The following PTPRD variants were observed in gnomAD, a reference collection of about 807,000 sequenced individuals.
The protein encoded by PTPRD is protein tyrosine phosphatase receptor type D.
Under a neutral mutation model 214.5 loss-of-function variants are expected in PTPRD, and 34 were observed. The ratio of observed to expected loss-of-function variants is 0.16; its 90% CI spans 0.12 to 0.21. The LOEUF (loss-of-function observed/expected upper bound fraction) is 0.21. Ranked by LOEUF, PTPRD falls within the 10% of genes least tolerant of loss-of-function variation. The pLI is 1.00. For missense variants in PTPRD, 2,545 were observed against 2,398.7 expected (o/e 1.06, Z -1.27); for synonymous variants, 1,128 against 845.7 (o/e 1.33, Z -5.79).
At chr9:9,617,848 A>G (rs1483433830) in intron 7 of PTPRD, among the ~76,000 whole-genome samples, 5 of 151,802 alleles carry the variant, frequency 3.3e-5, no homozygotes, top group Admixed American at 3.3e-4. Flanking sequence ...AGAGGCGGGC[A>G]GATCACGAGG....
chr9:9,518,802 G>C (rs779369204), intron 8 of PTPRD, among the ~76,000 whole-genome samples: 2 of 151,970 alleles, frequency 1.3e-5, no homozygotes, highest in Non-Finnish European at 2.9e-5. Context: ...AAGTAAGAAA[G>C]ATTCACCTAG....
At chr9:8,440,338 T>G (rs2095506111) in intron 34 of PTPRD, among the ~76,000 whole-genome samples, 1 of 150,958 alleles carries the variant, frequency 6.6e-6, no homozygotes, top group Non-Finnish European at 1.5e-5. Flanking sequence ...TTTTTTGAGA[T>G]GTAGTCTCAC....
At chr9:9,682,814 C>T (rs754439427) in intron 7 of PTPRD, among the ~76,000 whole-genome samples, 4 of 151,762 alleles carry the variant, frequency 2.6e-5, no homozygotes, top group Non-Finnish European at 4.4e-5. Context: ...AGTCCAAATA[C>T]TGCCTATCAG....
chr9:10,215,916 G>A (rs557293120), intron 3 of PTPRD, among the ~76,000 whole-genome samples: 1 of 152,064 alleles, frequency 6.6e-6, no homozygotes, highest in South Asian at 2.1e-4. Context: ...TGGGGATGCT[G>A]CTAGACAACA....
chr9:9,675,219 A>T (rs946867652), intron 7 of PTPRD, among the ~76,000 whole-genome samples: 1 of 151,962 alleles, frequency 6.6e-6, no homozygotes, highest in African/African-American at 2.4e-5. Flanking sequence ...AAACCATTTT[A>T]AAAACATTTT....
intron 14 of PTPRD, among the ~76,000 whole-genome samples, chr9:8,607,281 G>C (rs772323615): frequency 2.0e-5 from 3 of 152,122 alleles, no homozygotes; most frequent in Non-Finnish European, 2.9e-5. Context: ...CATGTACATG[G>C]TAAGTATCTA....
At chr9:9,307,208 G>C (rs1957414540) in intron 9 of PTPRD, among the ~76,000 whole-genome samples, 1 of 152,154 alleles carries the variant, frequency 6.6e-6, no homozygotes, top group South Asian at 2.1e-4. Context: ...TGTTTGGATG[G>C]AGAGAAAAAC....
At chr9:9,738,761 T>TG (rs1420950581) in intron 6 of PTPRD, among the ~76,000 whole-genome samples, 1 of 152,000 alleles carries the variant, frequency 6.6e-6, no homozygotes, top group African/African-American at 2.4e-5. Context: ...ACTTTTTAAT[T>TG]GGGTTGTCTT....
intron 11 of PTPRD, among the ~76,000 whole-genome samples, chr9:8,838,302 C>T (rs898560790): frequency 6.6e-6 from 1 of 151,034 alleles, no homozygotes; most frequent in East Asian, 2.0e-4. Flanking sequence ...TTCGGTGCAT[C>T]GTTTGGGGAT....
chr9:9,355,097 A>C (rs1428414926), intron 9 of PTPRD, among the ~76,000 whole-genome samples: 1 of 151,740 alleles, frequency 6.6e-6, no homozygotes, highest in Admixed American at 6.6e-5. Flanking sequence ...ATTAAGAATG[A>C]GTTGTATACA....
intron 3 of PTPRD, among the ~76,000 whole-genome samples, chr9:10,309,661 G>T (rs1048648215): frequency 6.6e-6 from 1 of 151,592 alleles, no homozygotes. Context: ...CACCACACCT[G>T]GCGCCAACTA....
chr9:8,327,551 T>A (rs1006715653), intron 44 of PTPRD, among the ~76,000 whole-genome samples: 10 of 152,274 alleles, frequency 6.6e-5, no homozygotes, highest in Admixed American at 1.3e-4. Flanking sequence ...TATTATTAGG[T>A]CTGCTTGGTC....
At chr9:9,251,646 C>T (rs775195009) in intron 9 of PTPRD, among the ~76,000 whole-genome samples, 6 of 151,962 alleles carry the variant, frequency 3.9e-5, no homozygotes, top group African/African-American at 1.2e-4. Context: ...TTGTATTTTA[C>T]ACCACACAAG....
intron 9 of PTPRD, among the ~76,000 whole-genome samples, chr9:9,288,446 A>G (rs1382600384): frequency 6.6e-6 from 1 of 151,886 alleles, no homozygotes; most frequent in African/African-American, 2.4e-5. Context: ...AAAAACACGT[A>G]AAGATCAGAG....
intron 12 of PTPRD, among the ~76,000 whole-genome samples, chr9:8,652,947 T>C (rs1411764667): frequency 6.6e-6 from 1 of 152,138 alleles, no homozygotes; most frequent in Non-Finnish European, 1.5e-5. Context: ...CTCTGGGATC[T>C]CAAAAGTTGA....
At chr9:9,755,796 C>T (rs1475794734) in intron 6 of PTPRD, among the ~76,000 whole-genome samples, 1 of 151,990 alleles carries the variant, frequency 6.6e-6, no homozygotes, top group Non-Finnish European at 1.5e-5. Context: ...GACTTACTTA[C>T]TCATTGTCAA....
chr9:9,255,067 C>T (rs1387744362), intron 9 of PTPRD, among the ~76,000 whole-genome samples: 2 of 152,004 alleles, frequency 1.3e-5, no homozygotes, highest in African/African-American at 2.4e-5. Context: ...CTAACGAATG[C>T]AACTGCACTA....
At chr9:10,168,481 G>A (rs960831599) in intron 3 of PTPRD, among the ~76,000 whole-genome samples, 1 of 152,172 alleles carries the variant, frequency 6.6e-6, no homozygotes, top group Non-Finnish European at 1.5e-5. Flanking sequence ...GCCTCGGCAT[G>A]GGCTCTTATT....
intron 14 of PTPRD, among the ~76,000 whole-genome samples, chr9:8,609,475 T>C (rs1347452427): frequency 2.0e-5 from 3 of 152,182 alleles, no homozygotes; most frequent in Middle Eastern, 3.2e-3. Context: ...GAAAATAAAC[T>C]AAATTAATAT....
Sources: gnomAD v4.1 joint callset for allele counts (sites outside exome capture counted in the v4.1 genomes callset) on GRCh38, gnomAD v4.1.1 for gene constraint, MANE v1.5 for transcripts, NCBI Gene and HGNC (gene_info 2026-07-23, HGNC 2026-07-21) for gene names.